The following TBC1D19 variants were observed in gnomAD, a reference collection of about 807,000 sequenced individuals.
TBC1D19 encodes the protein TBC1 domain family member 19.
In TBC1D19, 60 loss-of-function variants were observed where a neutral mutation model predicts 89.0. That is an observed-to-expected ratio of 0.67 (90% CI 0.55 to 0.84). The LOEUF (loss-of-function observed/expected upper bound fraction) is 0.84, where lower values mean the gene tolerates loss of function less well. Among genes scored for constraint, TBC1D19 ranks in the 40% least tolerant of loss-of-function variants. The probability of loss-of-function intolerance (pLI) is 0.00; values close to 1 mark genes in which losing one functional copy is unlikely to be tolerated. For synonymous variants in TBC1D19, 189 were observed against 199.7 expected (o/e 0.95, Z 0.45); for missense variants, 500 against 610.8 (o/e 0.82, Z 1.91).
intron 8 of TBC1D19, among the ~76,000 whole-genome samples, chr4:26,665,027 C>T (rs1271357563): frequency 6.6e-6 from 1 of 152,068 alleles, no homozygotes; most frequent in African/African-American, 2.4e-5. Context: ...GGCCGACGAT[C>T]GCTCTAACTG....
intron 7 of TBC1D19, among the ~76,000 whole-genome samples, chr4:26,645,860 A>C (rs547303479): frequency 0.01 from 1,551 of 152,164 alleles, 16 homozygotes; most frequent in African/African-American, 0.033. Flanking sequence ...GCGGTGGCTC[A>C]CGCCTGTAAT....
At chr4:26,788,395 G>T in the TBC1D19 span, among the ~76,000 whole-genome samples, 1 of 152,190 alleles carries the variant, frequency 6.6e-6, no homozygotes, top group Non-Finnish European at 1.5e-5. Flanking sequence ...CAGGAAGTTT[G>T]TAAACTGCAA....
At chr4:26,757,310 G>A (rs958956313), downstream of TBC1D19, among the ~76,000 whole-genome samples, 10 of 152,002 alleles carry the variant, frequency 6.6e-5, no homozygotes, top group African/African-American at 1.2e-4. Context: ...TGACCACACC[G>A]GACCTGTCCG....
chr4:26,745,307 G>T, intron 18 of TBC1D19, among the ~76,000 whole-genome samples: 1 of 151,560 alleles, frequency 6.6e-6, no homozygotes, highest in Middle Eastern at 3.4e-3. Flanking sequence ...TAATAAAATT[G>T]ATATTATTGA....
At chr4:26,739,739 A>AT in intron 16 of TBC1D19, 125 bp from the exon 17 acceptor site, 1 of 502,756 alleles carries the variant, frequency 2.0e-6, no homozygotes, top group Non-Finnish European at 3.3e-6. Context: ...AAGTAGTATG[A>AT]TTTTAAACTT....
the TBC1D19 span, among the ~76,000 whole-genome samples, chr4:26,764,598 C>G: frequency 2.6e-5 from 4 of 152,180 alleles, no homozygotes; most frequent in Non-Finnish European, 4.4e-5. Flanking sequence ...CTCTCAAGTA[C>G]TGCTGAACTC....
At chr4:26,625,062 A>T (rs1320733306) in intron 4 of TBC1D19, among the ~76,000 whole-genome samples, 2 of 146,464 alleles carry the variant, frequency 1.4e-5, no homozygotes, top group East Asian at 2.0e-4. Flanking sequence ...AATTCAATTC[A>T]TTTTTTTTTT....
At chr4:26,684,731 A>C (rs950010690) in intron 12 of TBC1D19, among the ~76,000 whole-genome samples, 1 of 152,222 alleles carries the variant, frequency 6.6e-6, no homozygotes, top group Non-Finnish European at 1.5e-5. Context: ...AGGTCTCAGA[A>C]ATGGGAAAAA....
chr4:26,620,754 A>C, intron 4 of TBC1D19, 66 bp downstream of exon 4: 1 of 1,392,990 alleles, frequency 7.2e-7, no homozygotes, highest in Non-Finnish European at 1.0e-6. Flanking sequence ...GCAAAAGATC[A>C]TTACTGATGT....
At chr4:26,625,217 A>G (rs1742316858) in intron 4 of TBC1D19, among the ~76,000 whole-genome samples, 1 of 152,128 alleles carries the variant, frequency 6.6e-6, no homozygotes, top group South Asian at 2.1e-4. Flanking sequence ...GAAGCTTCTT[A>G]TTCTGTATCA....
the TBC1D19 span, among the ~76,000 whole-genome samples, chr4:26,799,773 G>C: frequency 3.3e-5 from 5 of 152,068 alleles, no homozygotes; most frequent in Non-Finnish European, 7.4e-5. Flanking sequence ...CCAGAATTGT[G>C]AGCAATAAAT....
At chr4:26,586,528 T>C (rs1037044836) in intron 1 of TBC1D19, among the ~76,000 whole-genome samples, 30 of 152,178 alleles carry the variant, frequency 2.0e-4, no homozygotes, top group Admixed American at 1.8e-3. Flanking sequence ...TGGGATTATG[T>C]TGAATCTGTA....
chr4:26,840,448 C>T, the TBC1D19 span, among the ~76,000 whole-genome samples: 1 of 151,828 alleles, frequency 6.6e-6, no homozygotes, highest in Non-Finnish European at 1.5e-5. Context: ...TCACTGTAGA[C>T]CTCCGAGGAG....
the TBC1D19 span, among the ~76,000 whole-genome samples, chr4:26,841,766 C>T: frequency 6.6e-6 from 1 of 152,182 alleles, no homozygotes; most frequent in African/African-American, 2.4e-5. Flanking sequence ...TTCTCTGAGT[C>T]TGGCTTGTGT....
At chr4:26,663,524 T>C (rs1216167989) in intron 8 of TBC1D19, among the ~76,000 whole-genome samples, 1 of 152,210 alleles carries the variant, frequency 6.6e-6, no homozygotes, top group African/African-American at 2.4e-5. Flanking sequence ...AAGGATAATT[T>C]AGACAAAGTT....
intron 5 of TBC1D19, among the ~76,000 whole-genome samples, chr4:26,638,040 A>T (rs1468424766): frequency 6.6e-6 from 1 of 152,202 alleles, no homozygotes; most frequent in South Asian, 2.1e-4. Context: ...ATAATTTGTC[A>T]TCTCTCTGTA....
intron 1 of TBC1D19, among the ~76,000 whole-genome samples, chr4:26,598,817 T>G (rs752530229): frequency 2.6e-5 from 4 of 152,126 alleles, no homozygotes; most frequent in Non-Finnish European, 5.9e-5. Flanking sequence ...CAAAAAAGGA[T>G]TATGAATCTG....
At chr4:26,742,626 GA>G in intron 18 of TBC1D19, 27 bp downstream of exon 18, 1 of 1,579,812 alleles carries the variant, frequency 6.3e-7, no homozygotes, top group Admixed American at 1.7e-5. Flanking sequence ...CCTAATTGAA[GA>G]ATAGATAGTT....
chr4:26,829,267 C>G, the TBC1D19 span, among the ~76,000 whole-genome samples: 1 of 152,254 alleles, frequency 6.6e-6, no homozygotes, highest in African/African-American at 2.4e-5. Context: ...CATGTCCCTC[C>G]TGAGTCTCTG....
Sources: gnomAD v4.1 joint callset for allele counts (sites outside exome capture counted in the v4.1 genomes callset) on GRCh38, gnomAD v4.1.1 for gene constraint, MANE v1.5 for transcripts, NCBI Gene and HGNC (gene_info 2026-07-23, HGNC 2026-07-21) for gene names.